Variants in ACTR3 observed in about 807,000 individuals in gnomAD.
The protein encoded by ACTR3 is actin-related protein 3.
In ACTR3, 12 loss-of-function variants were observed where a neutral mutation model predicts 56.8. The observed-to-expected ratio is 0.21, with a 90% CI of 0.14 to 0.34. The LOEUF is 0.34. ACTR3 is among the 10% of genes least tolerant of loss of function. The probability of loss-of-function intolerance (pLI) is 1.00; values close to 1 mark genes in which losing one functional copy is unlikely to be tolerated. For synonymous variants in ACTR3, 162 were observed against 167.4 expected (o/e 0.97, Z 0.25); for missense variants, 282 against 512.5 (o/e 0.55, Z 4.34).
intron 8 of ACTR3, among the ~76,000 whole-genome samples, chr2:113,947,285 G>A (rs1680038890): frequency 1.3e-5 from 2 of 152,178 alleles, no homozygotes; most frequent in Admixed American, 1.3e-4. Flanking sequence ...TAATAGCATG[G>A]GATATAGGAG....
intron 3 of ACTR3, 149 bp from the exon 4 acceptor site, chr2:113,927,196 C>A: frequency 2.2e-6 from 1 of 464,538 alleles, no homozygotes; most frequent in Non-Finnish European, 3.8e-6. Context: ...TCCTTAAGTA[C>A]ACATCTTTTA....
chr2:113,907,968 C>CT (rs1029140415), intron 1 of ACTR3, among the ~76,000 whole-genome samples: 1 of 116,880 alleles, frequency 8.6e-6, no homozygotes, highest in African/African-American at 3.5e-5. Flanking sequence ...GAGCAAAACT[C>CT]TGTCCCCCAA....
At chr2:113,902,146 C>T (rs552023130) in intron 1 of ACTR3, among the ~76,000 whole-genome samples, 1 of 152,146 alleles carries the variant, frequency 6.6e-6, no homozygotes, top group South Asian at 2.1e-4. Context: ...ATCCACTTCC[C>T]CTTTCCTCAG....
chr2:113,908,432 A>G (rs982854541), intron 1 of ACTR3, among the ~76,000 whole-genome samples: 4 of 151,814 alleles, frequency 2.6e-5, no homozygotes, highest in African/African-American at 9.7e-5. Context: ...GCTAGTTTAC[A>G]TTTGAAAAGC....
chr2:113,901,151 TCTACTAAAAACACAAAATTAG>T (rs1192289820), intron 1 of ACTR3, among the ~76,000 whole-genome samples: 1 of 152,178 alleles, frequency 6.6e-6, no homozygotes, highest in Non-Finnish European at 1.5e-5. Context: ...AAACCCCATC[TCTACTAAAAACACAAAATTAG>T]CTGGGCGTGG....
Position 113,958,859 on chromosome 2 carries a change from G to A in ACTR3, c.*1404G>A, listed in dbSNP as rs1274161797. 6.6e-6 allele frequency: 1 copy of A among 151,972 alleles called. No individual in the cohort carries two copies. Among genetic ancestry groups the A allele is most frequent in the African/African-American group, 2.4e-5 (1 of 41,434 alleles). 9.4% of individuals were successfully genotyped at this position (151,972 alleles called of 1,614,324 possible). A position where few individuals can be genotyped will look rare whatever the true frequency, so the allele number is the denominator to read the frequency against. ...AGGATTGGAATACGTCTATTCAAAA[G>A]TGAAAGAATATAAAGTGTTTAGTTT... On this transcript the variant is annotated 3_prime_UTR_variant, in exon 12 of 12. Coordinates refer to ENST00000263238, the MANE Select transcript of ACTR3 (RefSeq NM_005721.5).
At chr2:113,897,164 CA>C (rs1280985336) in intron 1 of ACTR3, among the ~76,000 whole-genome samples, 64 of 152,008 alleles carry the variant, frequency 4.2e-4, no homozygotes, top group African/African-American at 1.5e-3. Flanking sequence ...TGTAGCTTAC[CA>C]AACACGACAT....
chr2:113,934,127 A>G (rs878861226), intron 5 of ACTR3, 152 bp from the exon 6 acceptor site: 2 of 590,076 alleles, frequency 3.4e-6, no homozygotes, highest in African/African-American at 3.9e-5. Context: ...TGCATAATAC[A>G]AAATTAATTT....
intron 4 of ACTR3, among the ~76,000 whole-genome samples, chr2:113,928,592 T>A (rs1414335155): frequency 6.6e-6 from 1 of 152,216 alleles, no homozygotes; most frequent in Non-Finnish European, 1.5e-5. Context: ...GGAAACTTAA[T>A]GAGAACTTTT....
At chr2:113,912,988 A>T (rs900554538) in intron 1 of ACTR3, among the ~76,000 whole-genome samples, 184 bp from the exon 2 acceptor site, 1 of 152,154 alleles carries the variant, frequency 6.6e-6, no homozygotes, top group Non-Finnish European at 1.5e-5. Flanking sequence ...TCTTTTCAGA[A>T]GCTCTGTGCA....
chr2:113,942,945 CTTAT>C (rs1485725252), intron 8 of ACTR3, among the ~76,000 whole-genome samples: 1 of 152,066 alleles, frequency 6.6e-6, no homozygotes, highest in East Asian at 1.9e-4. Context: ...ACTTACTCTG[CTTAT>C]TTAATGTTAA....
At chr2:113,915,955 G>A (rs1574360925) in intron 2 of ACTR3, among the ~76,000 whole-genome samples, 1 of 152,272 alleles carries the variant, frequency 6.6e-6, no homozygotes, top group East Asian at 1.9e-4. Context: ...GAAAGCCTGT[G>A]CAAGTGGTTC....
chr2:113,913,421 T>C (rs1053800355), intron 2 of ACTR3, among the ~76,000 whole-genome samples, 194 bp downstream of exon 2: 9 of 152,106 alleles, frequency 5.9e-5, no homozygotes, highest in African/African-American at 1.9e-4. Context: ...TAGCTCCCCA[T>C]TTGCCATGTC....
At chr2:113,892,612 A>T (rs1678927000) in intron 1 of ACTR3, among the ~76,000 whole-genome samples, 1 of 152,218 alleles carries the variant, frequency 6.6e-6, no homozygotes. Context: ...AACATCTCTA[A>T]GTATGGCCTT....
intron 1 of ACTR3, among the ~76,000 whole-genome samples, 157 bp from the exon 2 acceptor site, chr2:113,913,015 A>G (rs755674384): frequency 1.3e-5 from 2 of 152,178 alleles, no homozygotes; most frequent in Admixed American, 6.5e-5. Flanking sequence ...ATTTTGATAG[A>G]ATTGTGAAAG....
At chr2:113,932,695 T>G (rs1372909761) in intron 5 of ACTR3, among the ~76,000 whole-genome samples, 1 of 152,184 alleles carries the variant, frequency 6.6e-6, no homozygotes, top group African/African-American at 2.4e-5. Context: ...AATTCTTGGT[T>G]GTAGATGATA....
chr2:113,909,497 A>G (rs1679262132), intron 1 of ACTR3, among the ~76,000 whole-genome samples: 1 of 152,200 alleles, frequency 6.6e-6, no homozygotes, highest in Non-Finnish European at 1.5e-5. Context: ...ACATAAAAAT[A>G]TGTGTGGCTT....
chr2:113,946,585 T>G (rs562311664), intron 8 of ACTR3, among the ~76,000 whole-genome samples: 21 of 152,174 alleles, frequency 1.4e-4, no homozygotes, highest in Non-Finnish European at 1.0e-4. Flanking sequence ...TTTAAGTTCC[T>G]TATAGATGCT....
intron 3 of ACTR3, among the ~76,000 whole-genome samples, chr2:113,918,194 T>G (rs1679442604): frequency 6.6e-6 from 1 of 152,152 alleles, no homozygotes; most frequent in African/African-American, 2.4e-5. Flanking sequence ...GCAACATTAA[T>G]GAGTATACCT....
Sources: allele counts gnomAD v4.1 joint callset (sites outside exome capture counted in the v4.1 genomes callset), GRCh38; gene constraint gnomAD v4.1.1; transcripts MANE v1.5; gene names NCBI Gene and HGNC (gene_info 2026-07-23, HGNC 2026-07-21).